The following TTC23 variants were observed in gnomAD, a reference collection of about 807,000 sequenced individuals.
TTC23 encodes the protein tetratricopeptide repeat domain 23.
Under a neutral mutation model 55.1 loss-of-function variants are expected in TTC23, and 58 were observed. The observed-to-expected ratio is 1.05, with a 90% CI of 0.85 to 1.31. The LOEUF is 1.31. Ranked by LOEUF, TTC23 falls within the 50% of genes most tolerant of loss-of-function variation. The pLI, the probability that TTC23 is intolerant of heterozygous loss-of-function variation, is 0.00. For synonymous variants in TTC23, 203 were observed against 199.9 expected, an observed-to-expected ratio of 1.02 and a Z score of -0.13; for missense variants, 516 against 534.4, an observed-to-expected ratio of 0.97 and a Z score of 0.34.
intron 6 of TTC23, 26 bp downstream of exon 6, chr15:99,221,715 T>TC (rs1197734017): frequency 6.2e-7 from 1 of 1,613,290 alleles, no homozygotes. Flanking sequence ...GACCAACTGA[T>TC]CCCCCTCAGT....
intron 5 of TTC23, among the ~76,000 whole-genome samples, chr15:99,224,451 C>T (rs1022155382): frequency 1.3e-5 from 2 of 152,202 alleles, no homozygotes; most frequent in African/African-American, 4.8e-5. Context: ...AATAACTTCT[C>T]ATGTCATCTT....
intron 5 of TTC23, among the ~76,000 whole-genome samples, chr15:99,225,459 A>G (rs997534733): frequency 6.6e-6 from 1 of 152,194 alleles, no homozygotes; most frequent in African/African-American, 2.4e-5. Flanking sequence ...TGGTAGCGCC[A>G]GGAAGTGGTT....
intron 9 of TTC23, among the ~76,000 whole-genome samples, chr15:99,195,692 A>G (rs2075636181): frequency 1.3e-5 from 2 of 152,138 alleles, no homozygotes; most frequent in Admixed American, 6.5e-5. Context: ...CAGAATGTAC[A>G]ATGCCAAGAG....
chr15:99,231,282 C>A (rs2078911265), intron 4 of TTC23, among the ~76,000 whole-genome samples: 1 of 152,206 alleles, frequency 6.6e-6, no homozygotes, highest in South Asian at 2.1e-4. Flanking sequence ...TCTACTTATA[C>A]ATTTCTAAAA....
At chr15:99,182,719 G>C (rs973681735) in intron 9 of TTC23, among the ~76,000 whole-genome samples, 1 of 151,696 alleles carries the variant, frequency 6.6e-6, no homozygotes, top group Non-Finnish European at 1.5e-5. Flanking sequence ...GCTATTTCTG[G>C]GCAAGGAGGT....
chr15:99,218,344 T>C (rs1026509476), intron 8 of TTC23, among the ~76,000 whole-genome samples: 10 of 151,984 alleles, frequency 6.6e-5, no homozygotes, highest in African/African-American at 2.2e-4. Context: ...AAAACGAAAG[T>C]CAAGAGAATA....
At chr15:99,243,211 C>T (rs2079958281) in intron 2 of TTC23, among the ~76,000 whole-genome samples, 1 of 152,186 alleles carries the variant, frequency 6.6e-6, no homozygotes, top group Non-Finnish European at 1.5e-5. Context: ...ATAGACATTT[C>T]TCAAAAGACA....
At chr15:99,197,876 C>T (rs1472327293) in intron 9 of TTC23, among the ~76,000 whole-genome samples, 1 of 151,184 alleles carries the variant, frequency 6.6e-6, no homozygotes, top group Non-Finnish European at 1.5e-5. Context: ...GCACTCCAGC[C>T]TGGGCAACAG....
At chr15:99,188,275 GA>G in intron 9 of TTC23, among the ~76,000 whole-genome samples, 1 of 152,154 alleles carries the variant, frequency 6.6e-6, no homozygotes, top group African/African-American at 2.4e-5. Flanking sequence ...TGTTTATATG[GA>G]ATGTCTAGAA....
intron 4 of TTC23, among the ~76,000 whole-genome samples, chr15:99,233,846 A>G (rs1482558194): frequency 6.6e-6 from 1 of 152,240 alleles, no homozygotes; most frequent in Non-Finnish European, 1.5e-5. Context: ...CAAGCAATGG[A>G]ACAGAATGGA....
chr15:99,152,108 C>T (rs962350444), intron 12 of TTC23, among the ~76,000 whole-genome samples: 2 of 152,226 alleles, frequency 1.3e-5, no homozygotes, highest in Non-Finnish European at 2.9e-5. Context: ...GCACTATCCT[C>T]TTAGTGCTGT....
chr15:99,204,000 G>T (rs1295181036), intron 8 of TTC23, among the ~76,000 whole-genome samples: 1 of 151,888 alleles, frequency 6.6e-6, no homozygotes, highest in East Asian at 1.9e-4. Flanking sequence ...CTTTTTGGGG[G>T]GTATATACTG....
At chr15:99,174,574 G>A (rs899563723) in intron 10 of TTC23, among the ~76,000 whole-genome samples, 6 of 152,096 alleles carry the variant, frequency 3.9e-5, no homozygotes, top group African/African-American at 1.2e-4. Flanking sequence ...CCTATTACGC[G>A]GGGATAAGAA....
intron 10 of TTC23, among the ~76,000 whole-genome samples, chr15:99,167,135 A>G (rs2072223623): frequency 6.7e-6 from 1 of 148,186 alleles, no homozygotes; most frequent in Non-Finnish European, 1.5e-5. Context: ...TCTCCTGGCA[A>G]TGGACATCCC....
At chr15:99,200,829 C>T (rs2076141144) in intron 8 of TTC23, among the ~76,000 whole-genome samples, 2 of 152,158 alleles carry the variant, frequency 1.3e-5, no homozygotes, top group South Asian at 4.1e-4. Flanking sequence ...TTAAAATGCA[C>T]CAACAGGAGA....
At chr15:99,187,141 C>T (rs1293721851) in intron 9 of TTC23, among the ~76,000 whole-genome samples, 1 of 151,874 alleles carries the variant, frequency 6.6e-6, no homozygotes, top group Non-Finnish European at 1.5e-5. Context: ...AATTGAGAAT[C>T]TAGAAATAAA....
At chr15:99,139,052 G>A (rs1228049058) in intron 13 of TTC23, 1 of 499,758 alleles carries the variant, frequency 2.0e-6, no homozygotes. Context: ...CCTGCAGCAG[G>A]TGCCTTAGCC....
chr15:99,248,890 T>C (rs1385947215), intron 1 of TTC23, among the ~76,000 whole-genome samples: 1 of 152,198 alleles, frequency 6.6e-6, no homozygotes, highest in Non-Finnish European at 1.5e-5. Flanking sequence ...CAGGTATCTG[T>C]AGTATGTTTT....
At chr15:99,174,958 G>T in intron 10 of TTC23, 92 bp downstream of exon 10, 1 of 1,019,612 alleles carries the variant, frequency 9.8e-7, no homozygotes, top group Non-Finnish European at 1.4e-6. Context: ...GGCCTGTGTC[G>T]CGGCTCTGTC....
Sources: gnomAD v4.1 joint callset for allele counts (sites outside exome capture counted in the v4.1 genomes callset) on GRCh38, gnomAD v4.1.1 for gene constraint, MANE v1.5 for transcripts, NCBI Gene and HGNC (gene_info 2026-07-23, HGNC 2026-07-21) for gene names.